SPIDR: variants seen among roughly 807,000 people sequenced by gnomAD.
SPIDR encodes the protein scaffold protein involved in DNA repair, also known as DNA repair-scaffolding protein.
SPIDR carries 93 observed loss-of-function variants against 104.6 expected under a neutral mutation model. That is an observed-to-expected ratio of 0.89 (90% CI 0.75 to 1.06). The LOEUF (loss-of-function observed/expected upper bound fraction) is 1.06, where lower values mean the gene tolerates loss of function less well. Among genes scored for constraint, SPIDR ranks in the 50% least tolerant of loss-of-function variants. The probability of loss-of-function intolerance (pLI) is 0.00; values close to 1 mark genes in which losing one functional copy is unlikely to be tolerated. For synonymous variants in SPIDR, 431 were observed against 416.9 expected (o/e 1.03, Z -0.41); for missense variants, 1,154 against 1,111.2 (o/e 1.04, Z -0.55).
chr8:47,627,331 A>G (rs547097731), intron 10 of SPIDR, among the ~76,000 whole-genome samples: 16 of 152,290 alleles, frequency 1.1e-4, no homozygotes, highest in Non-Finnish European at 1.9e-4. Context: ...TGGCACATGT[A>G]TACATATGTA....
chr8:47,639,562 G>A (rs896003411), intron 10 of SPIDR, among the ~76,000 whole-genome samples: 2 of 151,562 alleles, frequency 1.3e-5, no homozygotes, highest in African/African-American at 4.9e-5. Flanking sequence ...TCACTTCCAC[G>A]TATCAAATAT....
intron 5 of SPIDR, among the ~76,000 whole-genome samples, chr8:47,359,531 T>C (rs1367128796): frequency 6.6e-6 from 1 of 152,210 alleles, no homozygotes; most frequent in African/African-American, 2.4e-5. Context: ...AGTCACCTTT[T>C]CTGCAGTGAC....
At chr8:47,289,758 G>A (rs2039557277) in intron 3 of SPIDR, among the ~76,000 whole-genome samples, 1 of 152,092 alleles carries the variant, frequency 6.6e-6, no homozygotes, top group Admixed American at 6.6e-5. Context: ...GCACCCTTAG[G>A]CATTTGTCCC....
chr8:47,460,085 C>T (rs2073693750), intron 8 of SPIDR, among the ~76,000 whole-genome samples: 1 of 152,068 alleles, frequency 6.6e-6, no homozygotes, highest in Non-Finnish European at 1.5e-5. Context: ...AAGTTCCATA[C>T]ACTGATGAAT....
chr8:47,287,503 A>G (rs964133615), intron 3 of SPIDR, among the ~76,000 whole-genome samples: 4 of 152,098 alleles, frequency 2.6e-5, no homozygotes. Context: ...TTCTTATCCC[A>G]ACCGCATAAG....
intron 5 of SPIDR, among the ~76,000 whole-genome samples, chr8:47,312,989 G>A (rs587595172): frequency 3.9e-4 from 60 of 152,100 alleles, no homozygotes; most frequent in African/African-American, 8.9e-4. Context: ...ATCCTTTCCC[G>A]AAAACTGGCA....
At chr8:47,660,978 A>C in intron 10 of SPIDR, 3 of 985,350 alleles carry the variant, frequency 3.0e-6, no homozygotes, top group Non-Finnish European at 3.6e-6. Context: ...GGTGTGAAAC[A>C]AATTCACATA....
At chr8:47,566,758 G>C (rs1436284041) in intron 8 of SPIDR, among the ~76,000 whole-genome samples, 1 of 152,094 alleles carries the variant, frequency 6.6e-6, no homozygotes, top group Non-Finnish European at 1.5e-5. Flanking sequence ...TAGGCACCGA[G>C]AAGTACACAA....
intron 8 of SPIDR, among the ~76,000 whole-genome samples, chr8:47,502,338 G>C (rs1310097871): frequency 6.6e-6 from 1 of 152,194 alleles, no homozygotes; most frequent in Admixed American, 6.5e-5. Flanking sequence ...GGTCTATTCA[G>C]AGATTCAACT....
At chr8:47,527,518 G>A in intron 8 of SPIDR, 1 of 152,240 alleles carries the variant, frequency 6.6e-6, no homozygotes, top group Non-Finnish European at 1.5e-5. Context: ...CCTTATTTAA[G>A]AAGGCTGTAG....
Position 47,596,012 on chromosome 8 carries a change from C to G in SPIDR, c.1293+6C>G, listed in dbSNP as rs779896505. On this transcript the variant is annotated splice_donor_region_variant and intron_variant, in intron 9 of 19. Coordinates refer to ENST00000297423, the MANE Select transcript of SPIDR (RefSeq NM_001080394.4). The stretch of plus-strand genomic sequence containing the variant: ...ATAATTCACCTGAAATCCAGGTAAA[C>G]TCCTATTGGCCTAAAGGTTTTATGC... The G allele has an allele frequency of 6.2e-7, 1 of 1,607,008 alleles. No individual in the cohort carries two copies. Among genetic ancestry groups the G allele is most frequent in the South Asian group, 1.1e-5 (1 of 90,068 alleles).
chr8:47,486,353 T>A (rs1564107483), intron 8 of SPIDR, among the ~76,000 whole-genome samples: 1 of 152,014 alleles, frequency 6.6e-6, no homozygotes, highest in Non-Finnish European at 1.5e-5. Flanking sequence ...TGGGACTATG[T>A]GAAAAGACCA....
At chr8:47,717,021 C>T (rs2082683129) in intron 16 of SPIDR, among the ~76,000 whole-genome samples, 1 of 152,176 alleles carries the variant, frequency 6.6e-6, no homozygotes, top group African/African-American at 2.4e-5. Context: ...GTGGAGCAGA[C>T]TGCCTGGCCC....
At chr8:47,337,664 G>T (rs75601682) in intron 5 of SPIDR, among the ~76,000 whole-genome samples, 1 of 150,820 alleles carries the variant, frequency 6.6e-6, no homozygotes, top group African/African-American at 2.4e-5. Context: ...AAAAAAAAAG[G>T]TCATGAAGAT....
At chr8:47,697,581 C>A (rs1343568822) in intron 11 of SPIDR, among the ~76,000 whole-genome samples, 2 of 152,206 alleles carry the variant, frequency 1.3e-5, no homozygotes. Context: ...CTCCCGCCTC[C>A]AGGAGCAGCT....
chr8:47,599,283 G>T (rs144821482), intron 10 of SPIDR, 87 bp downstream of exon 10: 1 of 1,523,554 alleles, frequency 6.6e-7, no homozygotes, highest in Non-Finnish European at 8.9e-7. Context: ...CTCAGAGCAC[G>T]TTCTTAGCTG....
chr8:47,728,748 A>C, intron 17 of SPIDR, 185 bp from the exon 18 acceptor site: 1 of 576,708 alleles, frequency 1.7e-6, no homozygotes, highest in Non-Finnish European at 2.9e-6. Flanking sequence ...ACTCGAAGCT[A>C]ATGTTCATCC....
At chr8:47,396,709 A>G in intron 6 of SPIDR, 83 bp downstream of exon 6, 1 of 1,349,286 alleles carries the variant, frequency 7.4e-7, no homozygotes, top group Non-Finnish European at 1.0e-6. Context: ...TAATTTTAAG[A>G]TACTTGTATA....
At chr8:47,635,324 AC>A (rs1377816069) in intron 10 of SPIDR, among the ~76,000 whole-genome samples, 2 of 152,184 alleles carry the variant, frequency 1.3e-5, no homozygotes, top group Non-Finnish European at 1.5e-5. Flanking sequence ...AGCCTGGGTG[AC>A]AGAGTGACTG....
Sources: allele counts gnomAD v4.1 joint callset (sites outside exome capture counted in the v4.1 genomes callset), GRCh38; gene constraint gnomAD v4.1.1; transcripts MANE v1.5; gene names NCBI Gene and HGNC (gene_info 2026-07-23, HGNC 2026-07-21).